ZMYM4: variants seen among roughly 807,000 people sequenced by gnomAD.
ZMYM4 encodes zinc finger MYM-type protein 4.
In ZMYM4, 31 loss-of-function variants were observed where a neutral mutation model predicts 183.2. That is an observed-to-expected ratio of 0.17 (90% CI 0.13 to 0.23). ZMYM4 has a LOEUF of 0.23. Among genes scored for constraint, ZMYM4 ranks in the 10% least tolerant of loss-of-function variants. The pLI is 1.00. For synonymous variants in ZMYM4, 592 were observed against 631.2 expected, an observed-to-expected ratio of 0.94 and a Z score of 0.93; for missense variants, 1,273 against 1,840.3, an observed-to-expected ratio of 0.69 and a Z score of 5.64.
intron 1 of ZMYM4, among the ~76,000 whole-genome samples, chr1:35,293,172 T>G (rs979008510): frequency 1.3e-5 from 2 of 151,814 alleles, no homozygotes; most frequent in African/African-American, 4.8e-5. Context: ...GGCTAATTTT[T>G]TTTTCTATTT....
At chr1:35,408,302 A>G in intron 26 of ZMYM4, 143 bp downstream of exon 26, 1 of 1,013,930 alleles carries the variant, frequency 9.9e-7, no homozygotes, top group Non-Finnish European at 1.4e-6. Context: ...CAAATTGGAA[A>G]CCGCTCAAGT....
rs1640256836 is a variant in ZMYM4, at chr1:35,419,643, A to G, written c.4613A>G (p.Lys1538Arg). Reference sequence around the variant, plus strand: ...GTACATGAAGAACTTGCCAAAGCCAAATCTGAAGACTCTGATGTTGAATTA... The same window carrying G: ...GTACATGAAGAACTTGCCAAAGCCAGATCTGAAGACTCTGATGTTGAATTA... Reference protein sequence around the residue: ...REVHEELAKAKSEDSDVELSD With the variant: ...REVHEELAKARSEDSDVELSD Residue 1538 changes from lysine (K) to arginine (R), a missense_variant, in exon 30 of 30, where the codon AAA becomes AGA. This residue lies in a region of ZMYM4 where 145 missense variants were observed against 331.6 expected (regional missense o/e 0.44). Coordinates refer to ENST00000314607, the MANE Select transcript of ZMYM4 (RefSeq NM_005095.3). 1 of 1,614,032 alleles carries G rather than the reference A, an allele frequency of 6.2e-7. No homozygotes were observed. Among genetic ancestry groups the G allele is most frequent in the African/African-American group, 1.3e-5 (1 of 74,898 alleles).
chr1:35,325,298 C>G (rs372468531), intron 1 of ZMYM4, 62 bp from the exon 2 acceptor site: 86 of 1,491,286 alleles, frequency 5.8e-5, no homozygotes, highest in Non-Finnish European at 7.5e-5. Flanking sequence ...GGAGGGATAC[C>G]AAAAGAATGT....
In ZMYM4 at chr1:35,414,994, G is replaced by T. The variant is rs537821403; in HGVS notation, c.4061-472G>T. ...GCCCAGGAGTTTGAGGCTGCAGTGAGCCCTGATCGTGCCACTGCACTCCAG... is the reference window on the plus strand; with the variant it reads ...GCCCAGGAGTTTGAGGCTGCAGTGATCCCTGATCGTGCCACTGCACTCCAG... On this transcript the variant is annotated intron_variant, in intron 27 of 29. Transcript: ENST00000314607. 1.2e-3 allele frequency among the ~76,000 whole-genome samples: 177 copies of T among 152,132 alleles called. 1 individual carries two copies. The highest frequency in any genetic ancestry group is 5.9e-4 in the Non-Finnish European group (40 of 68,024).
intron 2 of ZMYM4, among the ~76,000 whole-genome samples, chr1:35,354,659 A>C (rs1570422097): frequency 6.9e-6 from 1 of 145,604 alleles, no homozygotes; most frequent in Admixed American, 6.9e-5. Context: ...CCTGGGAGGC[A>C]GAGGTTGCAG....
At chr1:35,276,857 T>G (rs1459881979) in intron 1 of ZMYM4, among the ~76,000 whole-genome samples, 1 of 152,158 alleles carries the variant, frequency 6.6e-6, no homozygotes, top group African/African-American at 2.4e-5. Flanking sequence ...TCCACCCGCC[T>G]CCGCCTCCCA....
chr1:35,404,233 T>A (rs1201031331), intron 23 of ZMYM4, among the ~76,000 whole-genome samples: 2 of 152,106 alleles, frequency 1.3e-5, no homozygotes, highest in Non-Finnish European at 2.9e-5. Context: ...CCTGGCTAAT[T>A]TTTTAATTTT....
intron 25 of ZMYM4, among the ~76,000 whole-genome samples, chr1:35,407,319 C>G (rs753955633): frequency 7.9e-5 from 12 of 151,698 alleles, no homozygotes; most frequent in Non-Finnish European, 1.5e-4. Flanking sequence ...TGACTCCCAG[C>G]TACTCAGGAG....
intron 2 of ZMYM4, among the ~76,000 whole-genome samples, chr1:35,339,416 G>A (rs1045082716): frequency 2.0e-5 from 3 of 152,046 alleles, no homozygotes; most frequent in African/African-American, 4.8e-5. Flanking sequence ...TGTATTTTTA[G>A]TAGAGATGGG....
intron 2 of ZMYM4, among the ~76,000 whole-genome samples, chr1:35,333,310 T>C (rs1642836089): frequency 6.7e-6 from 1 of 149,034 alleles, no homozygotes; most frequent in Non-Finnish European, 1.5e-5. Flanking sequence ...CAGGTTGGAG[T>C]GCAGTGGTGC....
chr1:35,409,206 CT>C (rs1639770245), intron 26 of ZMYM4, among the ~76,000 whole-genome samples: 1 of 152,180 alleles, frequency 6.6e-6, no homozygotes, highest in Admixed American at 6.5e-5. Context: ...GAGGTTCTGC[CT>C]TTTGGTGATT....
Position 35,351,420 on chromosome 1 carries a change from A to G in ZMYM4, c.86-7505A>G, listed in dbSNP as rs1442676162. ...CATAAAGAACAGCGTAACTCCAGACATGATGGAGGAGATGTATAAGAAAGC... is the reference window on the plus strand; with the variant it reads ...CATAAAGAACAGCGTAACTCCAGACGTGATGGAGGAGATGTATAAGAAAGC... On this transcript the variant is annotated intron_variant, in intron 2 of 29. Transcript: ENST00000314607. The G allele has an allele frequency of 1.9e-6, 3 of 1,570,764 alleles. No homozygotes were observed. The African/African-American group carries it at 4.0e-5, about 21-fold the overall frequency.
chr1:35,334,897 T>G (rs1642907843), intron 2 of ZMYM4, among the ~76,000 whole-genome samples: 1 of 152,244 alleles, frequency 6.6e-6, no homozygotes, highest in South Asian at 2.1e-4. Flanking sequence ...CAGTCTTGTT[T>G]AAGAAAGTTT....
chr1:35,408,251 G>T, intron 26 of ZMYM4, 92 bp downstream of exon 26: 1 of 1,407,730 alleles, frequency 7.1e-7, no homozygotes, highest in East Asian at 2.4e-5. Flanking sequence ...TACACACCCA[G>T]ATATATACTG....
chr1:35,344,675 A>G (rs907692577), intron 2 of ZMYM4, among the ~76,000 whole-genome samples: 7 of 152,146 alleles, frequency 4.6e-5, no homozygotes, highest in Admixed American at 1.3e-4. Flanking sequence ...TTATGGGATA[A>G]ATCTTACTTA....
At chr1:35,396,950 T>C (rs762993845) in intron 19 of ZMYM4, 2 of 600,526 alleles carry the variant, frequency 3.3e-6, no homozygotes, top group Non-Finnish European at 4.4e-6. Flanking sequence ...TATGTTGAAA[T>C]CCTGGATTCT....
chr1:35,305,293 T>C (rs572191691), intron 1 of ZMYM4, among the ~76,000 whole-genome samples: 3 of 152,380 alleles, frequency 2.0e-5, no homozygotes, highest in East Asian at 3.9e-4. Context: ...ACTATAAATC[T>C]GCAGCCACAG....
chr1:35,347,206 C>G (rs1476309555), intron 2 of ZMYM4, among the ~76,000 whole-genome samples: 1 of 152,206 alleles, frequency 6.6e-6, no homozygotes, highest in Non-Finnish European at 1.5e-5. Flanking sequence ...AGGGTTTCAC[C>G]ATGTTGGCCA....
intron 26 of ZMYM4, among the ~76,000 whole-genome samples, chr1:35,410,353 A>C (rs543990583): frequency 6.6e-6 from 1 of 152,280 alleles, no homozygotes; most frequent in South Asian, 2.1e-4. Context: ...TATATATTCT[A>C]GATATTAAAC....
Sources: gnomAD v4.1 joint callset for allele counts (sites outside exome capture counted in the v4.1 genomes callset) on GRCh38, gnomAD v4.1.1 for gene constraint, gnomAD v4.1.1 regional missense constraint, MANE v1.5 for transcripts, NCBI Gene and HGNC (gene_info 2026-07-23, HGNC 2026-07-21) for gene names.